Variants in C20orf203 observed in about 807,000 individuals in gnomAD.
The protein encoded by C20orf203 is chromosome 20 open reading frame 203.
C20orf203 carries 16 observed loss-of-function variants against 15.9 expected under a neutral mutation model. The observed-to-expected ratio is 1.01, with a 90% CI of 0.68 to 1.53. C20orf203 has a LOEUF of 1.53. Among genes scored for constraint, C20orf203 ranks in the 40% most tolerant of loss-of-function variants. The probability of loss-of-function intolerance (pLI) is 0.00; values close to 1 mark genes in which losing one functional copy is unlikely to be tolerated. For missense variants in C20orf203, 263 were observed against 247.5 expected (o/e 1.06, Z -0.42); for synonymous variants, 98 against 97.2 (o/e 1.01, Z -0.05).
chr20:32,650,589 C>A lies in C20orf203; in HGVS notation c.428G>T (p.Gly143Val), dbSNP rs1308516493. Residue 143 changes from glycine to valine, a missense_variant, in exon 4 of 6, where the codon GGC (glycine) becomes GTC (valine). Physicochemically the swap from Gly to Val is moderately radical, Grantham distance 109 (BLOSUM62 -3). Transcript: ENST00000608990. Reference sequence around the variant, plus strand: ...AGCTTGGCCAAAGTCCCCCACCGTGCCCATTCTGGGCATCCCTCCCATTGC... The same window carrying A: ...AGCTTGGCCAAAGTCCCCCACCGTGACCATTCTGGGCATCCCTCCCATTGC... ...GRAMGGMPRM[G>V]TVGDFGQALS... 1.9e-6 allele frequency: 3 copies of A among 1,548,342 alleles called. No individual in the cohort carries two copies.
intron 1 of C20orf203, among the ~76,000 whole-genome samples, chr20:32,654,571 G>A (rs1982711269): frequency 6.6e-6 from 1 of 151,974 alleles, no homozygotes; most frequent in African/African-American, 2.4e-5. Context: ...GGCCAGGCGT[G>A]GTAGCTTATG....
At chr20:32,638,884 G>C (rs1289307499) in intron 5 of C20orf203, among the ~76,000 whole-genome samples, 6 of 152,246 alleles carry the variant, frequency 3.9e-5, no homozygotes, top group African/African-American at 1.4e-4. Context: ...ATGTCGGCCT[G>C]ACTCACCTGG....
rs1982029556 is a variant in C20orf203 at position 32,632,581 on chromosome 20, C to T, written c.*2989G>A. 2 of 151,696 alleles carry T rather than the reference C, an allele frequency of 1.3e-5. No individual in the cohort carries two copies. The allele number at this position is 151,696 out of a possible 1,614,324, so 9.4% of individuals were successfully genotyped here. The stretch of plus-strand genomic sequence containing the variant: ...AGTGCGCTGTATCTGGCCTTTTTCA[C>T]AAAAAAAACATGTATCTCAGAGCTT... On this transcript the variant is annotated 3_prime_UTR_variant, in exon 6 of 6. Coordinates refer to ENST00000608990, the MANE Select transcript of C20orf203 (RefSeq NM_182584.4).
At chr20:32,655,879 C>T (rs576108019) in intron 1 of C20orf203, among the ~76,000 whole-genome samples, 7 of 152,220 alleles carry the variant, frequency 4.6e-5, no homozygotes, top group African/African-American at 7.2e-5. Context: ...TGATCTCCAG[C>T]GCTGGAGGTG....
rs1395791012 is a variant in C20orf203 at position 32,651,114 on chromosome 20, C to T, written c.39G>A (p.Ala13=). 22 of 1,309,060 alleles carry T rather than the reference C, an allele frequency of 1.7e-5. No individual in the cohort carries two copies. Among genetic ancestry groups the T allele is most frequent in the African/African-American group, 9.1e-5 (6 of 66,192 alleles). The allele number at this position is 1,309,060 out of a possible 1,614,324, so 81.1% of individuals were successfully genotyped here. A position where few individuals can be genotyped will look rare whatever the true frequency, so the allele number is the denominator to read the frequency against. ...TGTTGGGAGGCTGAGGCAGGAGAAT[C>T]GCTTGAGCCCGGGAGTTCAAGACAG... ...PRPVLNSRAQ[A]ILLPQPPNML... Residue 13 remains alanine, a synonymous_variant, in exon 3 of 6, where the codon GCG becomes GCA. Transcript: ENST00000608990.
intron 1 of C20orf203, among the ~76,000 whole-genome samples, chr20:32,662,570 C>A (rs1982916392): frequency 6.6e-6 from 1 of 152,076 alleles, no homozygotes; most frequent in South Asian, 2.1e-4. Flanking sequence ...TGCACTCCAG[C>A]CTGAGCAACA....
chr20:32,646,872 T>C (rs936904961), intron 4 of C20orf203, among the ~76,000 whole-genome samples: 13 of 152,232 alleles, frequency 8.5e-5, no homozygotes, highest in Non-Finnish European at 1.6e-4. Flanking sequence ...TCCTACCACT[T>C]GCTTGGCTCA....
At chr20:32,656,335 C>T (rs1223942511) in intron 1 of C20orf203, among the ~76,000 whole-genome samples, 1 of 152,148 alleles carries the variant, frequency 6.6e-6, no homozygotes, top group East Asian at 1.9e-4. Context: ...GTCAAAACCA[C>T]AATGAGATAG....
chr20:32,643,995 G>A, intron 4 of C20orf203, among the ~76,000 whole-genome samples: 1 of 152,168 alleles, frequency 6.6e-6, no homozygotes, highest in East Asian at 1.9e-4. Flanking sequence ...GTCAGAGTGG[G>A]AAGGCCACAC....
chr20:32,671,581 G>A (rs926383175), intron 1 of C20orf203, among the ~76,000 whole-genome samples: 2 of 152,062 alleles, frequency 1.3e-5, no homozygotes, highest in African/African-American at 2.4e-5. Flanking sequence ...AGTGGCTCAC[G>A]CCTATAATCC....
chr20:32,653,097 G>A (rs1230507301), intron 1 of C20orf203, among the ~76,000 whole-genome samples: 1 of 152,190 alleles, frequency 6.6e-6, no homozygotes, highest in Non-Finnish European at 1.5e-5. Flanking sequence ...GGTCTGGGGC[G>A]CCCTCTGGTG....
At chr20:32,646,165 CTTGATCCCAATTTTT>C (rs1982422693) in intron 4 of C20orf203, among the ~76,000 whole-genome samples, 1 of 143,392 alleles carries the variant, frequency 7.0e-6, no homozygotes, top group Non-Finnish European at 1.5e-5. Context: ...CAGAGTCTTG[CTTGATCCCAATTTTT>C]TTTTTTTTTT....
chr20:32,636,648 G>A (rs977894598), intron 5 of C20orf203, among the ~76,000 whole-genome samples: 6 of 152,026 alleles, frequency 3.9e-5, no homozygotes, highest in African/African-American at 9.7e-5. Context: ...ACCCACCTGC[G>A]CCCCCCATGT....
intron 4 of C20orf203, among the ~76,000 whole-genome samples, chr20:32,643,159 A>C (rs1337840515): frequency 6.6e-6 from 1 of 152,144 alleles, no homozygotes; most frequent in African/African-American, 2.4e-5. Context: ...CTGTGTGGTA[A>C]AGACAGGCTG....
chr20:32,650,445 G>A lies in C20orf203; in HGVS notation c.572C>T (p.Ser191Leu), dbSNP rs571146882. 96 of 1,549,918 alleles carry A rather than the reference G, an allele frequency of 6.2e-5. No individual in the cohort carries two copies. In the African/African-American group the frequency reaches 6.8e-4, roughly 11 times the overall value. The change falls in exon 4 of 6, where the codon TCG becomes TTG. Residue 191 changes from serine to leucine, a missense_variant. Physicochemically the swap from Ser to Leu is moderately radical, Grantham distance 145. Transcript: ENST00000608990. ...KQQFLSNSSR[S>L]LFN Reference sequence around the variant, plus strand: ...CCCTGGGCTCGGCTAATTAAACAGCGACCGTGATGAATTGGAGAGAAACTG... The same window carrying A: ...CCCTGGGCTCGGCTAATTAAACAGCAACCGTGATGAATTGGAGAGAAACTG...
chr20:32,665,310 C>T (rs1259958699), intron 1 of C20orf203, among the ~76,000 whole-genome samples: 2 of 152,242 alleles, frequency 1.3e-5, no homozygotes, highest in Admixed American at 1.3e-4. Context: ...AGTTCCCATC[C>T]ACCCTCCTCC....
chr20:32,653,486 G>A (rs1164889642), intron 1 of C20orf203, among the ~76,000 whole-genome samples: 2 of 152,126 alleles, frequency 1.3e-5, no homozygotes, highest in African/African-American at 4.8e-5. Flanking sequence ...AAAGCCTGGG[G>A]TTACTGTGTT....
chr20:32,671,521 A>T (rs1014232065), intron 1 of C20orf203, among the ~76,000 whole-genome samples: 2 of 152,180 alleles, frequency 1.3e-5, no homozygotes, highest in African/African-American at 4.8e-5. Flanking sequence ...AGACAAAAAA[A>T]TTTTAAGTAG....
intron 4 of C20orf203, among the ~76,000 whole-genome samples, chr20:32,648,933 G>C (rs996790066): frequency 1.3e-5 from 2 of 152,156 alleles, no homozygotes; most frequent in African/African-American, 4.8e-5. Context: ...TGAGCCGCAG[G>C]CTTTACTCCG....
Sources: allele counts gnomAD v4.1 joint callset (sites outside exome capture counted in the v4.1 genomes callset), GRCh38; gene constraint gnomAD v4.1.1; transcripts MANE v1.5; gene names NCBI Gene and HGNC (gene_info 2026-07-23, HGNC 2026-07-21).